Variants in GABPB1 observed in about 807,000 individuals in gnomAD.
The protein encoded by GABPB1 is GA binding protein transcription factor subunit beta 1, also known as GA-binding protein subunit beta-1.
GABPB1 carries 15 observed loss-of-function variants against 45.9 expected under a neutral mutation model. The observed-to-expected ratio is 0.33, with a 90% CI of 0.22 to 0.50. GABPB1 has a LOEUF of 0.50. Among genes scored for constraint, GABPB1 ranks in the 20% least tolerant of loss-of-function variants. GABPB1 has a pLI of 0.98. For synonymous variants in GABPB1, 143 were observed against 154.4 expected, an observed-to-expected ratio of 0.93 and a Z score of 0.55; for missense variants, 252 against 457.5, an observed-to-expected ratio of 0.55 and a Z score of 4.10.
chr15:50,347,979 G>A (rs2048658105), intron 1 of GABPB1, among the ~76,000 whole-genome samples: 1 of 148,542 alleles, frequency 6.7e-6, no homozygotes, highest in Non-Finnish European at 1.5e-5. Context: ...GGAGGCAGAG[G>A]TTACAGTGAG....
chr15:50,329,251 T>C (rs1386791556), intron 1 of GABPB1, among the ~76,000 whole-genome samples: 1 of 152,204 alleles, frequency 6.6e-6, no homozygotes, highest in Admixed American at 6.5e-5. Flanking sequence ...TGTTTCTAGG[T>C]CCTCTCAGTG....
chr15:50,280,376 A>AG (rs2045935417), intron 8 of GABPB1, among the ~76,000 whole-genome samples: 1 of 152,174 alleles, frequency 6.6e-6, no homozygotes, highest in East Asian at 1.9e-4. Flanking sequence ...GGAAGGGGTG[A>AG]GGGGTGGAAG....
intron 6 of GABPB1, among the ~76,000 whole-genome samples, chr15:50,292,010 C>G (rs2046360788): frequency 6.6e-6 from 1 of 151,514 alleles, no homozygotes. Context: ...AGAAAGACAT[C>G]TAGTTAACAT....
At chr15:50,280,988 A>G (rs2045953441) in intron 8 of GABPB1, among the ~76,000 whole-genome samples, 1 of 152,226 alleles carries the variant, frequency 6.6e-6, no homozygotes, top group South Asian at 2.1e-4. Flanking sequence ...TCTAACAGTG[A>G]AAAGAACCTA....
intron 6 of GABPB1, among the ~76,000 whole-genome samples, chr15:50,296,863 T>A (rs1286197838): frequency 6.6e-6 from 1 of 152,092 alleles, no homozygotes; most frequent in African/African-American, 2.4e-5. Flanking sequence ...GAGCTTTAAG[T>A]TGTTTACTCT....
intron 6 of GABPB1, among the ~76,000 whole-genome samples, chr15:50,298,283 G>C (rs1296124900): frequency 6.6e-6 from 1 of 152,006 alleles, no homozygotes; most frequent in Non-Finnish European, 1.5e-5. Context: ...ACAGGATTTT[G>C]CCACGTTGTC....
rs755707287 is a variant in GABPB1 at position 50,309,706 on chromosome 15, G to A, written c.93C>T (p.Pro31=). Residue 31 remains proline (P), a synonymous_variant, in exon 2 of 9, where the codon CCC becomes CCT. Coordinates refer to ENST00000380877, the MANE Select transcript of GABPB1 (RefSeq NM_016654.5). ...EVRILMANGA[P]FTTDWLGTSP... ...CATTCTTTACCCAGTCTGTAGTAAAGGGAGCTCCATTTGCCATCAAAATAC... is the reference window on the plus strand; with the variant it reads ...CATTCTTTACCCAGTCTGTAGTAAAAGGAGCTCCATTTGCCATCAAAATAC... 1 of 1,589,378 alleles carries A rather than the reference G, an allele frequency of 6.3e-7. No homozygotes were observed. Among genetic ancestry groups the A allele is most frequent in the Middle Eastern group, 1.7e-4 (1 of 6,012 alleles).
chr15:50,285,605 C>T (rs1034089893), intron 8 of GABPB1, among the ~76,000 whole-genome samples: 1 of 152,076 alleles, frequency 6.6e-6, no homozygotes, highest in African/African-American at 2.4e-5. Flanking sequence ...CATTTACTTG[C>T]CTTGAAATAA....
intron 1 of GABPB1, chr15:50,349,151 T>G (rs572459242): frequency 6.6e-6 from 1 of 152,304 alleles, no homozygotes; most frequent in African/African-American, 2.4e-5. Flanking sequence ...CTATTTACAG[T>G]CTTTATCCTA....
rs781312689 is a variant in GABPB1 at position 50,300,897 on chromosome 15, T to C, written c.589A>G (p.Thr197Ala). ...CCAAACTGAACAGCAGATACACCCG[T>C]TTCATCTGTAAGAAAAAAGAAAATA... ...PGGVVNLTDE[T>A]GVSAVQFGNS... The change falls in exon 6 of 9, where the codon ACG becomes GCG. Residue 197 changes from threonine to alanine, a missense_variant. Thr to Ala is a moderately conservative substitution (Grantham distance 58). Around this residue, in one of 4 missense-constraint regions of GABPB1, gnomAD observed 193 missense variants for 259.9 expected, o/e 0.74. Transcript: ENST00000380877. 3 of 1,580,166 alleles carry C rather than the reference T, an allele frequency of 1.9e-6. No homozygotes were observed. The Admixed American group carries it at 5.0e-5, about 26-fold the overall frequency.
chr15:50,297,826 A>C (rs1242334908), intron 6 of GABPB1, among the ~76,000 whole-genome samples: 1 of 152,180 alleles, frequency 6.6e-6, no homozygotes, highest in African/African-American at 2.4e-5. Context: ...ACAGAGTGAG[A>C]CCCTGTCTCC....
At chr15:50,354,864 C>T in intron 1 of GABPB1, 121 bp downstream of exon 1, 1 of 224,548 alleles carries the variant, frequency 4.5e-6, no homozygotes, top group South Asian at 4.8e-5. Context: ...CGCCTTAATG[C>T]AATAAACAGG....
chr15:50,307,905 G>A (rs1482944669), intron 2 of GABPB1, among the ~76,000 whole-genome samples: 1 of 151,928 alleles, frequency 6.6e-6, no homozygotes, highest in Non-Finnish European at 1.5e-5. Flanking sequence ...TCTTTTTGTG[G>A]ATCTATGATC....
intron 5 of GABPB1, 99 bp downstream of exon 5, chr15:50,301,158 T>C: frequency 6.7e-7 from 1 of 1,485,920 alleles, no homozygotes; most frequent in Non-Finnish European, 9.1e-7. Context: ...CGTCCTTTCT[T>C]ACAAGGATGA....
rs1015912730 is a variant in GABPB1 at position 50,306,557 on chromosome 15, G to A, written c.109-2424C>T. Among the ~76,000 whole-genome samples the A allele has an allele frequency of 1.1e-4, 16 of 151,064 alleles. 1 individual carries two copies. The highest frequency in any genetic ancestry group is 3.9e-4 in the African/African-American group (16 of 41,056). On this transcript the variant is annotated intron_variant, in intron 2 of 8. Transcript: ENST00000380877. ...CAGGAGAATCACTTGAACCCGGGAG[G>A]CAGAGGCTTCAGTGAGCCAAGATCA... is the stretch of plus-strand genomic sequence containing the variant.
intron 1 of GABPB1, among the ~76,000 whole-genome samples, chr15:50,328,703 A>C (rs1214827749): frequency 6.6e-6 from 1 of 152,218 alleles, no homozygotes; most frequent in Non-Finnish European, 1.5e-5. Flanking sequence ...CTTTGGCTCC[A>C]TGGGAATATC....
At chr15:50,337,889 G>A (rs1040603532) in intron 1 of GABPB1, among the ~76,000 whole-genome samples, 3 of 152,096 alleles carry the variant, frequency 2.0e-5, no homozygotes, top group Admixed American at 2.0e-4. Flanking sequence ...TGCTTTATCT[G>A]TGCTCCTCTT....
intron 1 of GABPB1, 72 bp from the exon 2 acceptor site, chr15:50,309,870 T>C (rs35446819): frequency 0.18 from 152,891 of 873,628 alleles, 14,934 homozygotes; most frequent in Middle Eastern, 0.28. Context: ...TTTCCCTTCC[T>C]GTCTTTATTA....
intron 1 of GABPB1, chr15:50,354,153 C>A: frequency 3.2e-6 from 1 of 312,062 alleles, no homozygotes; most frequent in Non-Finnish European, 6.3e-6. Context: ...AGAGCTTCAC[C>A]GAAACACACT....
Sources: allele counts gnomAD v4.1 joint callset (sites outside exome capture counted in the v4.1 genomes callset), GRCh38; gene constraint gnomAD v4.1.1; regional missense constraint gnomAD v4.1.1; transcripts MANE v1.5; gene names NCBI Gene and HGNC (gene_info 2026-07-23, HGNC 2026-07-21).